SNX27: variants seen among roughly 807,000 people sequenced by gnomAD.
The protein encoded by SNX27 is sorting nexin-27.
Under a neutral mutation model 71.6 loss-of-function variants are expected in SNX27, and 22 were observed. The ratio of observed to expected loss-of-function variants is 0.31; its 90% CI spans 0.22 to 0.44. The LOEUF is 0.44. SNX27 is among the 20% of genes least tolerant of loss of function. The pLI, the probability that SNX27 is intolerant of heterozygous loss-of-function variation, is 1.00. For synonymous variants in SNX27, 269 were observed against 277.2 expected, an observed-to-expected ratio of 0.97 and a Z score of 0.29; for missense variants, 531 against 698.6, an observed-to-expected ratio of 0.76 and a Z score of 2.70.
intron 1 of SNX27, among the ~76,000 whole-genome samples, chr1:151,634,668 T>C (rs1198083846): frequency 6.6e-6 from 1 of 152,196 alleles, no homozygotes; most frequent in East Asian, 1.9e-4. Context: ...TAAAATAAAT[T>C]AGATATCATC....
rs185607366 is a variant in SNX27 at position 151,626,158 on chromosome 1, T to G, written c.312-12730T>G. Among the ~76,000 whole-genome samples, 333 of 151,728 alleles carry G rather than the reference T, an allele frequency of 2.2e-3. 1 individual carries two copies. The highest frequency in any genetic ancestry group is 3.8e-3 in the Non-Finnish European group (257 of 67,844). ...AAATAAAAAATAAAATTAAAAAAGA[T>G]TGAATCAATCTTTCCATACTTAAAA... On this transcript the variant is annotated intron_variant, in intron 1 of 11. Coordinates refer to ENST00000458013, the MANE Select transcript of SNX27 (RefSeq NM_001330723.2).
intron 8 of SNX27, among the ~76,000 whole-genome samples, chr1:151,688,969 G>A (rs776892628): frequency 2.0e-5 from 3 of 152,022 alleles, no homozygotes; most frequent in Non-Finnish European, 4.4e-5. Flanking sequence ...TACCTTTATC[G>A]GCTCACCAAG....
intron 1 of SNX27, among the ~76,000 whole-genome samples, chr1:151,622,939 C>CT (rs1440819168): frequency 6.6e-6 from 1 of 152,078 alleles, no homozygotes; most frequent in Non-Finnish European, 1.5e-5. Flanking sequence ...CATGCATGTA[C>CT]TACACCTGGC....
chr1:151,693,151 G>A lies in SNX27; in HGVS notation c.1518+112G>A, dbSNP rs867856954. The A allele has an allele frequency of 2.9e-5, 41 of 1,423,436 alleles. No homozygotes were observed. The Middle Eastern group carries it at 5.5e-4, about 19-fold the overall frequency. 88.2% of individuals were successfully genotyped at this position (1,423,436 alleles called of 1,614,324 possible). On this transcript the variant is annotated intron_variant, in intron 10 of 11. Transcript: ENST00000458013. Reference sequence around the variant, plus strand: ...AGAGCTAGTAGTTGTCTTGAGATCCGAACCTGTTTGAATCCTGGAGCCCCC... The same window carrying A: ...AGAGCTAGTAGTTGTCTTGAGATCCAAACCTGTTTGAATCCTGGAGCCCCC...
At chr1:151,642,828 G>A (rs1668838568) in intron 2 of SNX27, among the ~76,000 whole-genome samples, 3 of 152,018 alleles carry the variant, frequency 2.0e-5, no homozygotes. Context: ...TTTTAGTAGA[G>A]ACGGGGTTTC....
Position 151,696,502 on chromosome 1 carries a change from TTTCGTTCTTTCG to T in SNX27, c.*2089_*2100del, listed in dbSNP as rs1299255438. 23 of 116,544 alleles carry T rather than the reference TTTCGTTCTTTCG, an allele frequency of 2.0e-4. No homozygotes were observed. The highest frequency in any genetic ancestry group is 7.4e-4 in the African/African-American group (22 of 29,608). 7.2% of individuals were successfully genotyped at this position (116,544 alleles called of 1,614,324 possible). On this transcript the variant is annotated 3_prime_UTR_variant, in exon 12 of 12. Transcript: ENST00000458013. Reference sequence around the variant, plus strand: ...CTTTCTTTCTTTCTTTCTTTCTTTCTTTCGTTCTTTCGTTCTTTCGTTCTTTCTTTCTTTCTT... The same window carrying T: ...CTTTCTTTCTTTCTTTCTTTCTTTCTTTCTTTCGTTCTTTCTTTCTTTCTT...
At chr1:151,623,360 T>C (rs543385942) in intron 1 of SNX27, among the ~76,000 whole-genome samples, 1 of 152,254 alleles carries the variant, frequency 6.6e-6, no homozygotes, top group South Asian at 2.1e-4. Context: ...CAGGATGGTC[T>C]CTATCTTCTG....
chr1:151,615,677 T>C (rs1284786630), intron 1 of SNX27: 1 of 982,926 alleles, frequency 1.0e-6, no homozygotes, highest in Non-Finnish European at 1.2e-6. Context: ...TATCAAGTCA[T>C]AGGTGAATGT....
chr1:151,680,748 G>A (rs992543956), intron 7 of SNX27, among the ~76,000 whole-genome samples: 4 of 152,180 alleles, frequency 2.6e-5, no homozygotes, highest in Non-Finnish European at 5.9e-5. Context: ...AGTTTCTTTG[G>A]AAACTGGATA....
At chr1:151,663,235 C>T (rs1300748798) in intron 5 of SNX27, among the ~76,000 whole-genome samples, 3 of 151,504 alleles carry the variant, frequency 2.0e-5, no homozygotes, top group Non-Finnish European at 4.4e-5. Flanking sequence ...ACTGCAAGCT[C>T]CACTTCCTGG....
chr1:151,661,772 C>G (rs991096296), intron 4 of SNX27, among the ~76,000 whole-genome samples: 10 of 152,176 alleles, frequency 6.6e-5, no homozygotes, highest in Non-Finnish European at 1.0e-4. Context: ...TTGATCCAGT[C>G]TATATGCCTG....
At chr1:151,693,716 A>C (rs1456656668) in intron 11 of SNX27, 3 of 1,604,958 alleles carry the variant, frequency 1.9e-6, no homozygotes, top group Non-Finnish European at 2.5e-6. Flanking sequence ...GAGGGTGGAC[A>C]TTGGCTACAG....
chr1:151,641,066 A>C (rs1324007829), intron 2 of SNX27, among the ~76,000 whole-genome samples: 2 of 152,222 alleles, frequency 1.3e-5, no homozygotes, highest in Admixed American at 6.5e-5. Context: ...GTAGTAGTCC[A>C]TTGTATAGAT....
intron 4 of SNX27, chr1:151,661,203 TTTAGC>T (rs1669953753): frequency 9.5e-6 from 2 of 211,640 alleles, no homozygotes. Context: ...GCTTTATATT[TTTAGC>T]TTACAAGAGT....
chr1:151,663,496 C>T (rs1045158054), intron 5 of SNX27, among the ~76,000 whole-genome samples: 1 of 151,988 alleles, frequency 6.6e-6, no homozygotes, highest in Non-Finnish European at 1.5e-5. Flanking sequence ...GTCCCCACTT[C>T]TCCCCATTTT....
chr1:151,659,666 A>C (rs952064924), intron 3 of SNX27: 6 of 152,250 alleles, frequency 3.9e-5, no homozygotes, highest in Non-Finnish European at 7.3e-5. Context: ...CTGTATTGAA[A>C]TTTACTTGTT....
intron 2 of SNX27, among the ~76,000 whole-genome samples, chr1:151,645,872 G>A (rs958138516): frequency 1.3e-5 from 2 of 152,312 alleles, no homozygotes; most frequent in East Asian, 3.9e-4. Flanking sequence ...CCTGCTTTTA[G>A]TGTGTAATTC....
At chr1:151,646,874 T>C (rs1225997007) in intron 2 of SNX27, among the ~76,000 whole-genome samples, 1 of 72,268 alleles carries the variant, frequency 1.4e-5, no homozygotes, top group Non-Finnish European at 2.5e-5. Context: ...TTGCCCAGGC[T>C]GGACACAGAC....
At chr1:151,671,572 T>TC (rs1299594022) in intron 7 of SNX27, among the ~76,000 whole-genome samples, 2 of 152,152 alleles carry the variant, frequency 1.3e-5, no homozygotes, top group African/African-American at 4.8e-5. Context: ...CTTTGGCTAT[T>TC]CTGGGTCTTT....
Sources: gnomAD v4.1 joint callset for allele counts (sites outside exome capture counted in the v4.1 genomes callset) on GRCh38, gnomAD v4.1.1 for gene constraint, MANE v1.5 for transcripts, NCBI Gene and HGNC (gene_info 2026-07-23, HGNC 2026-07-21) for gene names.